SPPL3: variants seen among roughly 807,000 people sequenced by gnomAD.
SPPL3 encodes the protein signal peptide peptidase-like 3.
In SPPL3, 5 loss-of-function variants were observed where a neutral mutation model predicts 42.4. The ratio of observed to expected loss-of-function variants is 0.12; its 90% confidence interval spans 0.06 to 0.25. SPPL3 has a LOEUF of 0.25. Among genes scored for constraint, SPPL3 ranks in the 10% least tolerant of loss-of-function variants. The pLI is 1.00. For missense variants in SPPL3, 235 were observed against 489.0 expected (o/e 0.48, Z 4.90); for synonymous variants, 195 against 181.8 (o/e 1.07, Z -0.58).
intron 6 of SPPL3, among the ~76,000 whole-genome samples, chr12:120,770,491 T>G (rs1347719213): frequency 1.3e-5 from 2 of 152,204 alleles, no homozygotes; most frequent in Non-Finnish European, 2.9e-5. Flanking sequence ...TCCCTGCTAC[T>G]CCACTGACAC....
chr12:120,900,713 G>A (rs1391982654), intron 1 of SPPL3, among the ~76,000 whole-genome samples: 1 of 151,908 alleles, frequency 6.6e-6, no homozygotes, highest in Non-Finnish European at 1.5e-5. Context: ...TTCAAGACCA[G>A]CCTGGGCAAC....
chr12:120,895,448 T>C (rs1406876506), intron 1 of SPPL3, among the ~76,000 whole-genome samples: 3 of 150,344 alleles, frequency 2.0e-5, no homozygotes, highest in African/African-American at 7.3e-5. Context: ...AAAAGAAACA[T>C]AGCTTTATTC....
intron 1 of SPPL3, among the ~76,000 whole-genome samples, chr12:120,886,456 T>C (rs559580211): frequency 1.3e-5 from 2 of 152,220 alleles, no homozygotes; most frequent in South Asian, 2.1e-4. Context: ...ACAAGTGGTA[T>C]ATAACTGATA....
chr12:120,779,621 T>C (rs1488975997), intron 6 of SPPL3, among the ~76,000 whole-genome samples: 1 of 151,660 alleles, frequency 6.6e-6, no homozygotes, highest in African/African-American at 2.4e-5. Flanking sequence ...GGCAGAGCAG[T>C]TAGATAAAAA....
At chr12:120,803,518 C>G (rs900808726) in intron 2 of SPPL3, among the ~76,000 whole-genome samples, 1 of 151,600 alleles carries the variant, frequency 6.6e-6, no homozygotes, top group South Asian at 2.1e-4. Flanking sequence ...TTTTTCTCAG[C>G]TCCAGAAAGG....
intron 1 of SPPL3, among the ~76,000 whole-genome samples, chr12:120,813,479 C>T (rs548357837): frequency 1.3e-4 from 20 of 152,008 alleles, no homozygotes; most frequent in African/African-American, 4.8e-4. Flanking sequence ...CCACCACGCC[C>T]AGCTAATTTT....
chr12:120,862,380 G>A (rs1019680054), intron 1 of SPPL3, among the ~76,000 whole-genome samples: 8 of 152,034 alleles, frequency 5.3e-5, no homozygotes, highest in Non-Finnish European at 1.2e-4. Context: ...GCATGTTAAG[G>A]GCTAGGTCTC....
At chr12:120,896,528 C>T (rs1873808142) in intron 1 of SPPL3, among the ~76,000 whole-genome samples, 1 of 152,166 alleles carries the variant, frequency 6.6e-6, no homozygotes, top group Non-Finnish European at 1.5e-5. Context: ...GTAATCCCAA[C>T]ATTTTAGGAG....
intron 1 of SPPL3, chr12:120,845,591 G>A (rs1871997993): frequency 2.1e-6 from 1 of 471,954 alleles, no homozygotes; most frequent in Non-Finnish European, 4.1e-6. Context: ...GGCCCACCAT[G>A]AGGATGCACA....
rs1047898270 is a variant in SPPL3 at position 120,859,375 on chromosome 12, T to A, written c.23+44470A>T. On this transcript the variant is annotated intron_variant, in intron 1 of 10. Transcript: ENST00000353487. Reference sequence around the variant, plus strand: ...TGTACTGTGCTATGAGAGAAAAAATTAAAAATGCTTACATACCTTCCTTAT... The same window carrying A: ...TGTACTGTGCTATGAGAGAAAAAATAAAAAATGCTTACATACCTTCCTTAT... Among the ~76,000 whole-genome samples the A allele has an allele frequency of 3.3e-5, 5 of 152,156 alleles. No individual in the cohort carries two copies. In the South Asian group the frequency reaches 1.0e-3, roughly 32 times the overall value.
At chr12:120,768,272 G>A (rs1407527842) in intron 8 of SPPL3, 53 bp downstream of exon 8, 2 of 1,562,458 alleles carry the variant, frequency 1.3e-6, no homozygotes, top group Non-Finnish European at 1.7e-6. Flanking sequence ...TCAAGGCCGG[G>A]AACAGATAGG....
rs1395136469 is a variant in SPPL3 at position 120,803,327 on chromosome 12, CAT to C, written c.101+7480_101+7481del. ...TTGAAGTAACTTGCAAAAGTTAGTA[CAT>C]GCTCTGAAATCGGGCAGTGAAGAGC... On this transcript the variant is annotated intron_variant, in intron 2 of 10. Coordinates refer to ENST00000353487, the MANE Select transcript of SPPL3 (RefSeq NM_139015.5). Among the ~76,000 whole-genome samples, 5 of 152,196 alleles carry C rather than the reference CAT, an allele frequency of 3.3e-5. No homozygotes were observed. In the East Asian group the frequency reaches 9.6e-4, roughly 29 times the overall value.
At chr12:120,824,942 A>C (rs962153932) in intron 1 of SPPL3, among the ~76,000 whole-genome samples, 1 of 152,180 alleles carries the variant, frequency 6.6e-6, no homozygotes, top group South Asian at 2.1e-4. Flanking sequence ...CTGTAACAAC[A>C]TATTTCTAGA....
intron 1 of SPPL3, among the ~76,000 whole-genome samples, chr12:120,899,627 A>G (rs1180561681): frequency 2.6e-5 from 4 of 152,164 alleles, no homozygotes; most frequent in African/African-American, 9.7e-5. Context: ...ACAGTGGCTC[A>G]CACCTATAAT....
At chr12:120,815,899 T>C (rs1870856521) in intron 1 of SPPL3, among the ~76,000 whole-genome samples, 1 of 151,996 alleles carries the variant, frequency 6.6e-6, no homozygotes, top group African/African-American at 2.4e-5. Context: ...CAGCTAATTT[T>C]TGGTATTTTT....
intron 6 of SPPL3, among the ~76,000 whole-genome samples, chr12:120,771,680 C>T (rs1212445297): frequency 2.0e-5 from 3 of 152,158 alleles, no homozygotes; most frequent in Non-Finnish European, 4.4e-5. Context: ...CCTCCTTCAG[C>T]TCTCTTCCTC....
At chr12:120,876,384 C>T (rs933986471) in intron 1 of SPPL3, among the ~76,000 whole-genome samples, 14 of 151,566 alleles carry the variant, frequency 9.2e-5, no homozygotes, top group Non-Finnish European at 1.3e-4. Context: ...GAGGCTGAGG[C>T]GGGCAGATCA....
intron 1 of SPPL3, among the ~76,000 whole-genome samples, chr12:120,879,113 CAAAAAAA>C (rs63543261): frequency 1.5e-5 from 1 of 65,120 alleles, no homozygotes. Context: ...AACTCTGTCT[CAAAAAAA>C]AAAAAAAAAA....
At chr12:120,872,032 C>T (rs1872949043) in intron 1 of SPPL3, among the ~76,000 whole-genome samples, 1 of 152,128 alleles carries the variant, frequency 6.6e-6, no homozygotes, top group Non-Finnish European at 1.5e-5. Flanking sequence ...AGCATCATGG[C>T]ACTCAAAAAG....
Sources: gnomAD v4.1 joint callset for allele counts (sites outside exome capture counted in the v4.1 genomes callset) on GRCh38, gnomAD v4.1.1 for gene constraint, MANE v1.5 for transcripts, NCBI Gene and HGNC (gene_info 2026-07-23, HGNC 2026-07-21) for gene names.